The following RAB14 variants were observed in gnomAD, a reference collection of about 807,000 sequenced individuals.
RAB14 encodes ras-related protein Rab-14.
Under a neutral mutation model 31.1 loss-of-function variants are expected in RAB14, and 3 were observed. The observed-to-expected ratio is 0.10, with a 90% CI of 0.04 to 0.25. RAB14 has a LOEUF of 0.25. RAB14 is among the 10% of genes least tolerant of loss of function. The pLI is 1.00. For missense variants in RAB14, 111 were observed against 260.1 expected, an observed-to-expected ratio of 0.43 and a Z score of 3.94; for synonymous variants, 85 against 84.9, an observed-to-expected ratio of 1.00 and a Z score of 0.00.
At chr9:121,181,688 C>A in intron 7 of RAB14, 115 bp from the exon 8 acceptor site, 1 of 618,478 alleles carries the variant, frequency 1.6e-6, no homozygotes, top group South Asian at 3.1e-5. Flanking sequence ...TAACCACTGT[C>A]ATCTAATAAG....
chr9:121,186,288 T>A (rs1467365270), intron 5 of RAB14, among the ~76,000 whole-genome samples: 1 of 152,140 alleles, frequency 6.6e-6, no homozygotes, highest in Non-Finnish European at 1.5e-5. Flanking sequence ...GTCCCTCTAT[T>A]TCTAATTCGT....
intron 1 of RAB14, among the ~76,000 whole-genome samples, chr9:121,199,678 T>G (rs1329872874): frequency 2.0e-5 from 3 of 152,236 alleles, no homozygotes; most frequent in African/African-American, 7.2e-5. Context: ...AGCTTTAATT[T>G]CAAGGGATTT....
At chr9:121,185,200 G>T (rs941750554) in intron 5 of RAB14, among the ~76,000 whole-genome samples, 3 of 152,130 alleles carry the variant, frequency 2.0e-5, no homozygotes, top group Non-Finnish European at 4.4e-5. Context: ...TCCTCCACGG[G>T]CCCTCTACAA....
At chr9:121,181,728 A>G (rs927238398) in intron 7 of RAB14, among the ~76,000 whole-genome samples, 155 bp from the exon 8 acceptor site, 2 of 149,420 alleles carry the variant, frequency 1.3e-5, no homozygotes, top group Non-Finnish European at 3.0e-5. Flanking sequence ...CTAAGAGAAC[A>G]TGGAAAACTA....
chr9:121,186,571 C>G (rs933835358), intron 5 of RAB14, among the ~76,000 whole-genome samples: 1 of 152,090 alleles, frequency 6.6e-6, no homozygotes, highest in African/African-American at 2.4e-5. Context: ...AACGCAGATT[C>G]ACATGCAGTT....
intron 2 of RAB14, among the ~76,000 whole-genome samples, chr9:121,193,125 C>T (rs765738494): frequency 2.6e-5 from 4 of 152,050 alleles, no homozygotes; most frequent in Admixed American, 6.6e-5. Context: ...AAGCAGCCCT[C>T]AAGAACAATG....
chr9:121,201,293 G>C (rs1335494246), intron 1 of RAB14, among the ~76,000 whole-genome samples: 1 of 152,248 alleles, frequency 6.6e-6, no homozygotes. Context: ...GGCGAGAGGG[G>C]GGCCCGCGGG....
chr9:121,183,773 G>C (rs2053645714), intron 5 of RAB14, among the ~76,000 whole-genome samples: 1 of 152,164 alleles, frequency 6.6e-6, no homozygotes, highest in Non-Finnish European at 1.5e-5. Context: ...GCTGTGGGCT[G>C]AATGTGGCCC....
chr9:121,197,205 T>C (rs2053722595), intron 1 of RAB14, among the ~76,000 whole-genome samples: 1 of 152,226 alleles, frequency 6.6e-6, no homozygotes, highest in Admixed American at 6.5e-5. Context: ...ACTAAATGCA[T>C]AGTAAACACT....
intron 7 of RAB14, among the ~76,000 whole-genome samples, chr9:121,182,243 T>C (rs1028731553): frequency 3.9e-5 from 6 of 152,162 alleles, no homozygotes; most frequent in Non-Finnish European, 8.8e-5. Context: ...TCTCTGAACA[T>C]GCTGAAAAAA....
At chr9:121,196,734 A>G (rs1311985932) in intron 1 of RAB14, among the ~76,000 whole-genome samples, 1 of 152,220 alleles carries the variant, frequency 6.6e-6, no homozygotes, top group African/African-American at 2.4e-5. Flanking sequence ...AATAAGATAC[A>G]TGAATTACAT....
At chr9:121,189,428 ACAGTCTTCC>A (rs2053675089) in intron 4 of RAB14, among the ~76,000 whole-genome samples, 2 of 152,092 alleles carry the variant, frequency 1.3e-5, no homozygotes, top group South Asian at 4.1e-4. Flanking sequence ...AGGTTTATTA[ACAGTCTTCC>A]CATAATACTC....
In RAB14 at chr9:121,181,496, A is replaced by G. The variant is rs776741283; in HGVS notation, c.548T>C (p.Leu183Pro). The change falls in exon 8 of 8, where the codon CTG (leucine) becomes CCG (proline). Residue 183 changes from leucine (L) to proline (P), a missense_variant. Transcript: ENST00000373840. ...YQNIQDGSLD[L>P]NAAESGVQHK... The stretch of plus-strand genomic sequence containing the variant: ...TTGTACACCAGACTCAGCAGCATTC[A>G]GATCCAAGCTTCCATCCTGAATGTT... The G allele has an allele frequency of 6.2e-7, 1 of 1,613,666 alleles. No individual in the cohort carries two copies. The highest frequency in any genetic ancestry group is 1.1e-5 in the South Asian group (1 of 91,066).
At chr9:121,182,267 T>C (rs774726967) in intron 7 of RAB14, among the ~76,000 whole-genome samples, 2 of 152,102 alleles carry the variant, frequency 1.3e-5, no homozygotes, top group African/African-American at 4.8e-5. Flanking sequence ...CCAAGAATAA[T>C]ATGGTCTGCT....
rs1332820212 is a variant in RAB14, at chr9:121,182,934, T to C, written c.466A>G (p.Lys156Glu). 1.2e-6 allele frequency: 2 copies of C among 1,608,132 alleles called. No individual in the cohort carries two copies. Among genetic ancestry groups the C allele is most frequent in the Admixed American group, 1.7e-5 (1 of 59,804 alleles). ...CTGTATTTTGGTCACACTTACGTTTTTGCACTCGCTTCGAGGAACAATAAG... is the reference window on the plus strand; with the variant it reads ...CTGTATTTTGGTCACACTTACGTTTCTGCACTCGCTTCGAGGAACAATAAG... ...NGLLFLEASA[K>E]TGENVEDAFL... The change falls in exon 7 of 8, where the codon AAA (lysine) becomes GAA (glutamate). Residue 156 changes from lysine to glutamate, a missense_variant. By Grantham distance (56) the Lys-to-Glu change is moderately conservative. Coordinates refer to ENST00000373840, the MANE Select transcript of RAB14 (RefSeq NM_016322.4).
intron 7 of RAB14, among the ~76,000 whole-genome samples, chr9:121,181,833 C>T (rs1564318238): frequency 6.7e-6 from 1 of 148,812 alleles, no homozygotes; most frequent in African/African-American, 2.4e-5. Context: ...CTGCAACCTC[C>T]ACCTCCCAAG....
At position 121,181,155 on chromosome 9, in the gene RAB14, G is replaced by A; in HGVS notation, c.*241C>T. Reference sequence around the variant, plus strand: ...TGACATACTTATCACGAGGACAAGGGGGAAAAAAAGTCTAGATTTACCATG... The same window carrying A: ...TGACATACTTATCACGAGGACAAGGAGGAAAAAAAGTCTAGATTTACCATG... On this transcript the variant is annotated 3_prime_UTR_variant, in exon 8 of 8. Transcript: ENST00000373840. 2.8e-6 allele frequency: 1 copy of A among 361,100 alleles called. No homozygotes were observed. The highest frequency in any genetic ancestry group is 4.3e-5 in the East Asian group (1 of 23,464). The allele number at this position is 361,100 out of a possible 1,614,324, so 22.4% of individuals were successfully genotyped here. A position where few individuals can be genotyped will look rare whatever the true frequency, so the allele number is the denominator to read the frequency against.
chr9:121,185,782 C>T lies in RAB14; in HGVS notation c.351+1171G>A, dbSNP rs1298355588. Among the ~76,000 whole-genome samples the T allele has an allele frequency of 2.6e-5, 4 of 152,028 alleles. No homozygotes were observed. In the East Asian group the frequency reaches 7.7e-4, roughly 29 times the overall value. ...GTAGTACTCCACTATAGAGATGTTC[C>T]GAACTGTTTAACCATTCACCTGTCA... is the stretch of plus-strand genomic sequence containing the variant. On this transcript the variant is annotated intron_variant, in intron 5 of 7. Coordinates refer to ENST00000373840, the MANE Select transcript of RAB14 (RefSeq NM_016322.4).
In RAB14 at chr9:121,181,516, A is replaced by G; in HGVS notation, c.528T>C (p.Ile176=). ...LEAAKKIYQN[I]QDGSLDLNAA... The stretch of plus-strand genomic sequence containing the variant: ...CATTCAGATCCAAGCTTCCATCCTG[A>G]ATGTTCTGATAGATTTTCTTGGCAG... The change falls in exon 8 of 8, where the codon ATT becomes ATC. Residue 176 remains isoleucine, a synonymous_variant. Coordinates refer to ENST00000373840, the MANE Select transcript of RAB14 (RefSeq NM_016322.4). 6.2e-7 allele frequency: 1 copy of G among 1,613,220 alleles called. No individual in the cohort carries two copies. Among genetic ancestry groups the G allele is most frequent in the Non-Finnish European group, 8.5e-7 (1 of 1,179,358 alleles).
Sources: allele counts gnomAD v4.1 joint callset (sites outside exome capture counted in the v4.1 genomes callset), GRCh38; gene constraint gnomAD v4.1.1; transcripts MANE v1.5; gene names NCBI Gene and HGNC (gene_info 2026-07-23, HGNC 2026-07-21).